SLX4: variants seen among roughly 807,000 people sequenced by gnomAD.
SLX4 encodes the protein structure-specific endonuclease subunit SLX4.
SLX4 carries 112 observed loss-of-function variants against 146.2 expected under a neutral mutation model. That is an observed-to-expected ratio of 0.77 (90% CI 0.66 to 0.90). The LOEUF (loss-of-function observed/expected upper bound fraction) is 0.90. Among genes scored for constraint, SLX4 ranks in the 40% least tolerant of loss-of-function variants. SLX4 has a pLI of 0.00. For missense variants in SLX4, 2,563 were observed against 2,392.7 expected (o/e 1.07, Z -1.49); for synonymous variants, 1,061 against 997.7 (o/e 1.06, Z -1.20).
intron 5 of SLX4, among the ~76,000 whole-genome samples, chr16:3,599,180 T>C (rs2040700271): frequency 6.6e-6 from 1 of 152,164 alleles, no homozygotes; most frequent in Non-Finnish European, 1.5e-5. Context: ...ACCCCTGCCA[T>C]GCTAAATACA....
intron 3 of SLX4, among the ~76,000 whole-genome samples, chr16:3,604,012 C>T (rs1234019419): frequency 6.6e-6 from 1 of 151,986 alleles, no homozygotes; most frequent in Non-Finnish European, 1.5e-5. Context: ...GGCAGATCCC[C>T]TGAGCTCAGG....
At chr16:3,594,333 A>C in intron 10 of SLX4, 120 bp downstream of exon 10, 1 of 1,340,312 alleles carries the variant, frequency 7.5e-7, no homozygotes, top group Non-Finnish European at 1.0e-6. Flanking sequence ...TGGGGCAGGA[A>C]GTGAGGGAGA....
In SLX4 at chr16:3,591,249, C is replaced by G; in HGVS notation, c.2389G>C (p.Gly797Arg). 1 of 1,613,322 alleles carries G rather than the reference C, an allele frequency of 6.2e-7. No homozygotes were observed. Among genetic ancestry groups the G allele is most frequent in the Non-Finnish European group, 8.5e-7 (1 of 1,180,034 alleles). The change falls in exon 12 of 15, where the codon GGC (glycine) becomes CGC (arginine). Residue 797 changes from glycine (G) to arginine (R), a missense_variant. Transcript: ENST00000294008. ...EQVPIATDSE[G>R]KPWEEKEAEN... ...GCTTCCTTCTCCTCCCATGGTTTGC[C>G]CTCTGAGTCAGTGGCAATAGGCACC...
intron 3 of SLX4, among the ~76,000 whole-genome samples, chr16:3,604,139 C>T (rs548700765): frequency 3.2e-4 from 48 of 148,430 alleles, no homozygotes; most frequent in African/African-American, 1.2e-3. Context: ...GGCCGAGGCA[C>T]GAGAATAGCT....
intron 12 of SLX4, among the ~76,000 whole-genome samples, chr16:3,588,545 T>C (rs747432032): frequency 2.6e-5 from 4 of 152,208 alleles, no homozygotes; most frequent in Non-Finnish European, 4.4e-5. Flanking sequence ...TCTATGAACA[T>C]GCATGTCTGA....
intron 3 of SLX4, among the ~76,000 whole-genome samples, chr16:3,604,269 A>G (rs1377990828): frequency 6.6e-6 from 1 of 151,480 alleles, no homozygotes; most frequent in East Asian, 1.9e-4. Flanking sequence ...GAAATGGGGG[A>G]CTATTCTAGA....
intron 12 of SLX4, among the ~76,000 whole-genome samples, chr16:3,588,282 T>C (rs1192580596): frequency 6.6e-6 from 1 of 152,248 alleles, no homozygotes; most frequent in East Asian, 1.9e-4. Flanking sequence ...GCATTTTCTC[T>C]GGATTTGCCT....
chr16:3,597,676 C>T lies in SLX4; in HGVS notation c.1386G>A (p.Lys462=). The T allele has an allele frequency of 6.2e-7, 1 of 1,613,808 alleles. No homozygotes were observed. The highest frequency in any genetic ancestry group is 8.5e-7 in the Non-Finnish European group (1 of 1,179,964). Residue 462 remains lysine, a synonymous_variant, in exon 7 of 15, where the codon AAG becomes AAA. Transcript: ENST00000294008. The surrounding 1 kb of genome is among the most constrained non-coding windows in gnomAD (Gnocchi z 4.4). Reference sequence around the variant, plus strand: ...ACAATGGGGGGGATACCGGGGGTTTCTTCTTGCGACTTTTATTCTCTAGAG... The same window carrying T: ...ACAATGGGGGGGATACCGGGGGTTTTTTCTTGCGACTTTTATTCTCTAGAG... The part of the protein sequence containing the change: ...RPEAENKSRK[K]KPPVSPPLLL...
rs1385616772 is a variant in SLX4, at chr16:3,602,404, G to A, written c.761-97C>T. 2.1e-6 allele frequency: 3 copies of A among 1,453,256 alleles called. No individual in the cohort carries two copies. In the African/African-American group the frequency reaches 4.2e-5, roughly 20 times the overall value. 90.0% of individuals were successfully genotyped at this position (1,453,256 alleles called of 1,614,324 possible). A position where few individuals can be genotyped will look rare whatever the true frequency, so the allele number is the denominator to read the frequency against. On this transcript the variant is annotated intron_variant, in intron 3 of 14. Coordinates refer to ENST00000294008, the MANE Select transcript of SLX4 (RefSeq NM_032444.4). ...CAGCTCCTGCAGACCATGGGGAGCA[G>A]GTGGAACGCAAAGAAACCAGAACCC...
rs937401602 is a variant in SLX4 at position 3,601,176 on chromosome 16, A to T, written c.966T>A (p.Ala322=). The T allele has an allele frequency of 6.2e-7, 1 of 1,613,978 alleles. No homozygotes were observed. Among genetic ancestry groups the T allele is most frequent in the Admixed American group, 1.7e-5 (1 of 59,994 alleles). ...GCACAGAAGGTCTTAGTGTCTTTTC[A>T]GCTTCATCCAAGCACCTGAAGGAAA... The part of the protein sequence containing the change: ...EQHVNRCLDE[A]EKTLRPSVPQ... The change falls in exon 5 of 15, where the codon GCT becomes GCA. Residue 322 remains alanine (A), a synonymous_variant. Transcript: ENST00000294008.
chr16:3,602,047 A>G, intron 4 of SLX4, 71 bp downstream of exon 4: 1 of 1,592,910 alleles, frequency 6.3e-7, no homozygotes, highest in Non-Finnish European at 8.6e-7. Flanking sequence ...GGAGATCCGC[A>G]CTCCAGCCCT....
chr16:3,595,724 G>T (rs200789012), intron 8 of SLX4, 31 bp from the exon 9 acceptor site: 1 of 1,608,518 alleles, frequency 6.2e-7, no homozygotes, highest in Middle Eastern at 1.7e-4. Context: ...TTAAAGGAAC[G>T]TCACAGCCCA....
In SLX4 at chr16:3,583,367, G is replaced by A. The variant is rs199573277; in HGVS notation, c.4883C>T (p.Thr1628Ile). 6.8e-6 allele frequency: 11 copies of A among 1,613,272 alleles called. No homozygotes were observed. The East Asian group carries it at 2.5e-4, about 36-fold the overall frequency. ...AGGCTTGTAGGTCTGGGAGGCGAGG[G>A]TCTGGCAGTGAGGCGCCTGCAACAG... ...QPLLQAPHCQ[T>I]LASQTYKPSR... Residue 1628 changes from threonine (T) to isoleucine (I), a missense_variant, in exon 14 of 15, where the codon ACC (threonine) becomes ATC (isoleucine). Coordinates refer to ENST00000294008, the MANE Select transcript of SLX4 (RefSeq NM_032444.4).
intron 10 of SLX4, among the ~76,000 whole-genome samples, chr16:3,593,139 C>T (rs1005412622): frequency 1.1e-4 from 17 of 150,960 alleles, no homozygotes; most frequent in African/African-American, 3.9e-4. Context: ...GGTGAGATCT[C>T]GGCTCACTGC....
Position 3,583,305 on chromosome 16 carries a change from T to G in SLX4, c.4945A>C (p.Thr1649Pro). The change falls in exon 14 of 15, where the codon ACA becomes CCA. Residue 1649 changes from threonine to proline, a missense_variant. By Grantham distance (38) the Thr-to-Pro change is conservative. Coordinates refer to ENST00000294008, the MANE Select transcript of SLX4 (RefSeq NM_032444.4). ...AGVHAQQEAT[T>P]GPGAHRPKGP... ...TTGGGCCTATGGGCCCCAGGTCCTG[T>G]GGTGGCCTCCTGCTGGGCATGGACC... 6.2e-7 allele frequency: 1 copy of G among 1,614,106 alleles called. No homozygotes were observed. The highest frequency in any genetic ancestry group is 8.5e-7 in the Non-Finnish European group (1 of 1,179,998).
At chr16:3,601,775 A>C in intron 4 of SLX4, 1 of 350,518 alleles carries the variant, frequency 2.9e-6, no homozygotes, top group Non-Finnish European at 5.4e-6. Context: ...TCCAGACAGA[A>C]TGTTGATTAG....
rs1485376668 is a variant in SLX4 at position 3,589,127 on chromosome 16, C to T, written c.4511G>A (p.Ser1504Asn). The stretch of plus-strand genomic sequence containing the variant: ...GTCCCACAGAGCCGAATTCAGAAAG[C>T]TCGGCCTGCTATTCCCCAGGGAGCC... ...GAGSLGNSRPSFLNSALWDVW... is the reference protein window; with the variant it reads ...GAGSLGNSRPNFLNSALWDVW... Residue 1504 changes from serine to asparagine, a missense_variant, in exon 12 of 15, where the codon AGC (serine) becomes AAC (asparagine). Transcript: ENST00000294008. This position sits in a 1 kb window ranked among gnomAD's most constrained non-coding sequence, Gnocchi z 6.2. The T allele has an allele frequency of 1.2e-6, 2 of 1,614,020 alleles. No homozygotes were observed. Among genetic ancestry groups the T allele is most frequent in the African/African-American group, 2.7e-5 (2 of 74,940 alleles).
rs1406100757 is a variant in SLX4 at position 3,582,316 on chromosome 16, G to A, written c.*26C>T. ...CGGGGGTGGGGGCTGCTGATGGCAG[G>A]TTGGGGTGGGGTCGGGATGGCCCCA... On this transcript the variant is annotated 3_prime_UTR_variant, in exon 15 of 15. Transcript: ENST00000294008. The A allele has an allele frequency of 3.8e-6, 6 of 1,585,002 alleles. No individual in the cohort carries two copies. Among genetic ancestry groups the A allele is most frequent in the Middle Eastern group, 2.3e-4 (1 of 4,388 alleles).
At chr16:3,596,838 T>C (rs956752679) in intron 7 of SLX4, among the ~76,000 whole-genome samples, 3 of 151,854 alleles carry the variant, frequency 2.0e-5, no homozygotes, top group African/African-American at 7.3e-5. Flanking sequence ...TTTTTTTTTT[T>C]TCAAGACAGA....
Sources: gnomAD v4.1 joint callset for allele counts (sites outside exome capture counted in the v4.1 genomes callset) on GRCh38, gnomAD v4.1.1 for gene constraint, Gnocchi (gnomAD v3.1) non-coding constraint, MANE v1.5 for transcripts, NCBI Gene and HGNC (gene_info 2026-07-23, HGNC 2026-07-21) for gene names.